ING2: variants seen among roughly 807,000 people sequenced by gnomAD.
ING2 encodes the protein inhibitor of growth protein 2.
A neutral mutation model predicts 30.6 loss-of-function variants in ING2; 7 were observed. That is an observed-to-expected ratio of 0.23 (90% CI 0.13 to 0.43). The LOEUF is 0.43. ING2 is among the 20% of genes least tolerant of loss of function. ING2 has a pLI of 1.00. For missense variants in ING2, 239 were observed against 334.9 expected (o/e 0.71, Z 2.24); for synonymous variants, 136 against 121.7 (o/e 1.12, Z -0.78).
rs193151105 is a variant in ING2, at chr4:183,506,932, A to G, written c.172+1565A>G. Among the ~76,000 whole-genome samples the G allele has an allele frequency of 2.1e-3, 325 of 152,326 alleles. 6 individuals are homozygous for G. The highest frequency in any genetic ancestry group is 0.02 in the Admixed American group (302 of 15,296). On this transcript the variant is annotated intron_variant, in intron 1 of 1. Transcript: ENST00000302327. Reference sequence around the variant, plus strand: ...TTGGCTCCAGAGCCTGCTACTGTAGATGCATATCTTTGTTTTCAAACAATT... The same window carrying G: ...TTGGCTCCAGAGCCTGCTACTGTAGGTGCATATCTTTGTTTTCAAACAATT...
intron 1 of ING2, 123 bp downstream of exon 1, chr4:183,505,490 T>A: frequency 2.0e-6 from 2 of 997,094 alleles, no homozygotes; most frequent in East Asian, 3.2e-5. Flanking sequence ...CGAGCGGGAC[T>A]GGGAGGACTG....
chr4:183,506,489 T>G (rs1436037844), intron 1 of ING2, among the ~76,000 whole-genome samples: 2 of 152,128 alleles, frequency 1.3e-5, no homozygotes, highest in African/African-American at 4.8e-5. Context: ...TTCCTTACAG[T>G]GTTACCACCT....
Position 183,511,837 on chromosome 4 carries a change from T to G in ING2, c.*885T>G, listed in dbSNP as rs553292518. On this transcript the variant is annotated 3_prime_UTR_variant, in exon 2 of 2. Transcript: ENST00000302327. ...ATCAGTGGAAAGGGGCATATAGTAG[T>G]CTTTAAATATTGCCTTTATGTCAGA... Among the ~76,000 whole-genome samples, 68 of 152,196 alleles carry G rather than the reference T, an allele frequency of 4.5e-4. 1 individual carries two copies. The South Asian group carries it at 0.014, about 31-fold the overall frequency.
At chr4:183,506,208 G>C (rs1019741548) in intron 1 of ING2, 2 of 1,303,324 alleles carry the variant, frequency 1.5e-6, no homozygotes, top group African/African-American at 3.0e-5. Context: ...CCCCAGCGGA[G>C]TCCGAATCGG....
At chr4:183,507,931 C>G (rs755293183) in intron 1 of ING2, among the ~76,000 whole-genome samples, 15 of 152,040 alleles carry the variant, frequency 9.9e-5, no homozygotes, top group Non-Finnish European at 1.5e-4. Flanking sequence ...ATTAGAGAAC[C>G]TTTATTTTTA....
Position 183,511,682 on chromosome 4 carries a change from ATACATTGGCT to A in ING2, c.*740_*749del, listed in dbSNP as rs1331763807. Among the ~76,000 whole-genome samples, 8 of 152,258 alleles carry A rather than the reference ATACATTGGCT, an allele frequency of 5.3e-5. No homozygotes were observed. Among genetic ancestry groups the A allele is most frequent in the Non-Finnish European group, 7.3e-5 (5 of 68,044 alleles). Reference sequence around the variant, plus strand: ...TAAGAGTAGTTAGCATACCAAAAATATACATTGGCTTACATTGGCAAACTTTGGGTTATAT... The same window carrying A: ...TAAGAGTAGTTAGCATACCAAAAATATACATTGGCAAACTTTGGGTTATAT... On this transcript the variant is annotated 3_prime_UTR_variant, in exon 2 of 2. Coordinates refer to ENST00000302327, the MANE Select transcript of ING2 (RefSeq NM_001564.4).
At chr4:183,506,186 G>C in intron 1 of ING2, 4 of 1,297,406 alleles carry the variant, frequency 3.1e-6, no homozygotes, top group Non-Finnish European at 4.1e-6. Context: ...CTGTGCGGGG[G>C]CGTTGGTTCG....
chr4:183,511,264 T>G lies in ING2; in HGVS notation c.*312T>G, dbSNP rs1162442377. Among the ~76,000 whole-genome samples, 2 of 152,204 alleles carry G rather than the reference T, an allele frequency of 1.3e-5. No individual in the cohort carries two copies. The highest frequency in any genetic ancestry group is 2.9e-5 in the Non-Finnish European group (2 of 68,042). On this transcript the variant is annotated 3_prime_UTR_variant, in exon 2 of 2. Coordinates refer to ENST00000302327, the MANE Select transcript of ING2 (RefSeq NM_001564.4). ...CACTTAAAACTGCAATGTTATTTTT[T>G]GGGTAAACACAAAAGTTTCACTAGC...
intron 1 of ING2, among the ~76,000 whole-genome samples, chr4:183,507,653 C>T (rs1309121959): frequency 2.0e-5 from 3 of 152,154 alleles, no homozygotes; most frequent in South Asian, 4.1e-4. Context: ...TCACTCTGCA[C>T]GTGGTTACTG....
chr4:183,506,955 A>G (rs773142669), intron 1 of ING2, among the ~76,000 whole-genome samples: 1 of 152,254 alleles, frequency 6.6e-6, no homozygotes, highest in Non-Finnish European at 1.5e-5. Flanking sequence ...TTTTCAAACA[A>G]TTTAAGTTTT....
In ING2 at chr4:183,510,638, C is replaced by T. The variant is rs774051216; in HGVS notation, c.529C>T (p.Pro177Ser). ...TGGGATTGAAGACTGTGATGATCAG[C>T]CACCTAAAGAAAAGAAATCCAAGTC... ...ANGIEDCDDQ[P>S]PKEKKSKSAK... The change falls in exon 2 of 2, where the codon CCA becomes TCA. Residue 177 changes from proline (P) to serine (S), a missense_variant. Pro to Ser is a moderately conservative substitution (Grantham distance 74, BLOSUM62 -1). Around this residue, in one of 5 missense-constraint regions of ING2, gnomAD observed 115 missense variants for 120.1 expected, o/e 0.96. Transcript: ENST00000302327. 5 of 1,613,960 alleles carry T rather than the reference C, an allele frequency of 3.1e-6. No individual in the cohort carries two copies. The highest frequency in any genetic ancestry group is 4.2e-6 in the Non-Finnish European group (5 of 1,180,002).
rs982774231 is a variant in ING2, at chr4:183,512,358, C to T, written c.*1406C>T. ...TAAAATGAGTTGGCTTAAATATCTCCGAGATTCCTTGGAAATTTCTACTAT... is the reference window on the plus strand; with the variant it reads ...TAAAATGAGTTGGCTTAAATATCTCTGAGATTCCTTGGAAATTTCTACTAT... On this transcript the variant is annotated 3_prime_UTR_variant, in exon 2 of 2. Transcript: ENST00000302327. 1.3e-5 allele frequency among the ~76,000 whole-genome samples: 2 copies of T among 152,030 alleles called. No individual in the cohort carries two copies. The highest frequency in any genetic ancestry group is 2.9e-5 in the Non-Finnish European group (2 of 68,022).
At chr4:183,506,327 C>T (rs1199300106) in intron 1 of ING2, 8 of 1,302,178 alleles carry the variant, frequency 6.1e-6, no homozygotes, top group South Asian at 2.5e-5. Flanking sequence ...GCGTAGGTTC[C>T]GGGACATGTG....
In ING2 at chr4:183,505,164, CG is replaced by C. The variant is rs1734602686; in HGVS notation, c.-30del. 6.3e-7 allele frequency: 1 copy of C among 1,578,490 alleles called. No individual in the cohort carries two copies. The highest frequency in any genetic ancestry group is 1.1e-5 in the South Asian group (1 of 87,890). On this transcript the variant is annotated 5_prime_UTR_variant, in exon 1 of 2. Transcript: ENST00000302327. ...CCGGTGCATGTGCGGCTGCTGGATG[CG>C]GAGGCGGCGGCGACGGCGCGGATCG... is the stretch of plus-strand genomic sequence containing the variant.
chr4:183,509,060 C>T (rs1734751123), intron 1 of ING2, among the ~76,000 whole-genome samples: 3 of 152,310 alleles, frequency 2.0e-5, no homozygotes, highest in East Asian at 1.9e-4. Context: ...AGAACCAGAA[C>T]CTACTCTGGA....
Position 183,510,261 on chromosome 4 carries a change from TTTTTC to T in ING2, c.173-15_173-11del, listed in dbSNP as rs751045995. The T allele has an allele frequency of 6.6e-7, 1 of 1,505,074 alleles. No homozygotes were observed. The highest frequency in any genetic ancestry group is 2.3e-5 in the East Asian group (1 of 44,266). 93.2% of individuals were successfully genotyped at this position (1,505,074 alleles called of 1,614,324 possible). A position where few individuals can be genotyped will look rare whatever the true frequency, so the allele number is the denominator to read the frequency against. On this transcript the variant is annotated splice_polypyrimidine_tract_variant and intron_variant, in intron 1 of 1. Coordinates refer to ENST00000302327, the MANE Select transcript of ING2 (RefSeq NM_001564.4). The stretch of plus-strand genomic sequence containing the variant: ...CTGCTAACACATGATAACGTTCTCA[TTTTTC>T]TTTTCCTTTTTTTAGAAACGTTAAA...
At chr4:183,509,106 A>G (rs1044902090) in intron 1 of ING2, among the ~76,000 whole-genome samples, 6 of 152,246 alleles carry the variant, frequency 3.9e-5, no homozygotes, top group Admixed American at 2.6e-4. Context: ...ATGTGAGGCT[A>G]AAGTAGAGCC....
Position 183,511,023 on chromosome 4 carries a change from G to T in ING2, c.*71G>T. 8.4e-7 allele frequency: 1 copy of T among 1,196,938 alleles called. No individual in the cohort carries two copies. The allele number at this position is 1,196,938 out of a possible 1,614,324, so 74.1% of individuals were successfully genotyped here. A position where few individuals can be genotyped will look rare whatever the true frequency, so the allele number is the denominator to read the frequency against. ...TCGTTTGCTTTCAGAAAATGTTTTA[G>T]GGTAAATGCATAAGACTATGCAATA... On this transcript the variant is annotated 3_prime_UTR_variant, in exon 2 of 2. Coordinates refer to ENST00000302327, the MANE Select transcript of ING2 (RefSeq NM_001564.4).
At position 183,505,496 on chromosome 4, in the gene ING2, G is replaced by C. The variant is rs1233340327; in HGVS notation, c.172+129G>C. 17 of 959,900 alleles carry C rather than the reference G, an allele frequency of 1.8e-5. 1 individual carries two copies. In the South Asian group the frequency reaches 3.1e-4, roughly 18 times the overall value. 59.5% of individuals were successfully genotyped at this position (959,900 alleles called of 1,614,324 possible). A position where few individuals can be genotyped will look rare whatever the true frequency, so the allele number is the denominator to read the frequency against. On this transcript the variant is annotated intron_variant, in intron 1 of 1. Coordinates refer to ENST00000302327, the MANE Select transcript of ING2 (RefSeq NM_001564.4). ...AGGGTCTGCCGAGCGGGACTGGGAG[G>C]ACTGGAGACCGGGTTGGCGGCCCTC...
Sources: allele counts gnomAD v4.1 joint callset (sites outside exome capture counted in the v4.1 genomes callset), GRCh38; gene constraint gnomAD v4.1.1; regional missense constraint gnomAD v4.1.1; transcripts MANE v1.5; gene names NCBI Gene and HGNC (gene_info 2026-07-23, HGNC 2026-07-21).